The following OR2B11 variants were observed in gnomAD, a reference collection of about 807,000 sequenced individuals.
The protein encoded by OR2B11 is olfactory receptor 2B11.
For missense variants in OR2B11, 422 were observed against 400.0 expected (o/e 1.05, Z -0.47); for synonymous variants, 198 against 174.5 (o/e 1.13, Z -1.06).
rs1360576595 is a variant in OR2B11 at position 247,452,029 on chromosome 1, G to A, written c.-47C>T. 3 of 1,139,638 alleles carry A rather than the reference G, an allele frequency of 2.6e-6. No homozygotes were observed. The highest frequency in any genetic ancestry group is 1.7e-5 in the Admixed American group (1 of 57,340). The allele number at this position is 1,139,638 out of a possible 1,614,324, so 70.6% of individuals were successfully genotyped here. A position where few individuals can be genotyped will look rare whatever the true frequency, so the allele number is the denominator to read the frequency against. On this transcript the variant is annotated 5_prime_UTR_variant, in exon 2 of 2. Transcript: ENST00000641149. ...TGTGGCAAATTGAGAAAATTGGAAT[G>A]AATAATACCTGAGAAGAGGAATTGA...
chr1:247,455,582 C>G (rs1035650433), intron 1 of OR2B11, among the ~76,000 whole-genome samples: 1 of 152,160 alleles, frequency 6.6e-6, no homozygotes, highest in African/African-American at 2.4e-5. Flanking sequence ...TCTTAGGAGT[C>G]TAACAAGTAC....
At chr1:247,455,318 C>T (rs982367298) in intron 1 of OR2B11, among the ~76,000 whole-genome samples, 7 of 152,180 alleles carry the variant, frequency 4.6e-5, no homozygotes, top group African/African-American at 1.7e-4. Context: ...TCTCTTTCTT[C>T]AGTCTAGAAT....
chr1:247,456,967 T>G (rs1315927574), intron 1 of OR2B11, among the ~76,000 whole-genome samples: 1 of 152,214 alleles, frequency 6.6e-6, no homozygotes, highest in Non-Finnish European at 1.5e-5. Flanking sequence ...CTTCTTATTC[T>G]GGAGGTAGGT....
intron 1 of OR2B11, 132 bp from the exon 2 acceptor site, chr1:247,455,196 A>T (rs1664943410): frequency 6.6e-6 from 1 of 152,212 alleles, no homozygotes; most frequent in South Asian, 2.1e-4. Context: ...ACTCCATCAC[A>T]CAAGATGGAA....
In OR2B11 at chr1:247,454,579, A is replaced by C. The variant is rs1444122739; in HGVS notation, c.-2597T>G. Reference sequence around the variant, plus strand: ...CCCCCAGACTCAAACCATCTCCTTCATCTTAATTCTGGCTGAGTTCCCTTC... The same window carrying C: ...CCCCCAGACTCAAACCATCTCCTTCCTCTTAATTCTGGCTGAGTTCCCTTC... On this transcript the variant is annotated 5_prime_UTR_variant, in exon 2 of 2. The change abolishes an upstream ATG in the 5' untranslated region. Transcript: ENST00000641149. The C allele has an allele frequency of 1.3e-5, 2 of 152,278 alleles. No homozygotes were observed. Among genetic ancestry groups the C allele is most frequent in the African/African-American group, 4.8e-5 (2 of 41,410 alleles). 9.4% of individuals were successfully genotyped at this position (152,278 alleles called of 1,614,324 possible). A position where few individuals can be genotyped will look rare whatever the true frequency, so the allele number is the denominator to read the frequency against.
In OR2B11 at chr1:247,450,902, G is replaced by T; in HGVS notation, c.*127C>A. The T allele has an allele frequency of 2.0e-6, 1 of 511,470 alleles. No individual in the cohort carries two copies. Among genetic ancestry groups the T allele is most frequent in the Non-Finnish European group, 3.4e-6 (1 of 294,286 alleles). The allele number at this position is 511,470 out of a possible 1,614,324, so 31.7% of individuals were successfully genotyped here. The stretch of plus-strand genomic sequence containing the variant: ...GATTTGGGGCATTATAACAGGAAGT[G>T]AGATGTTTGAAGACAGGGTTTTTGA... On this transcript the variant is annotated 3_prime_UTR_variant, in exon 2 of 2. Transcript: ENST00000641149.
chr1:247,451,603 T>G lies in OR2B11; in HGVS notation c.380A>C (p.Tyr127Ser). The G allele has an allele frequency of 6.2e-7, 1 of 1,613,834 alleles. No individual in the cohort carries two copies. The highest frequency in any genetic ancestry group is 8.5e-7 in the Non-Finnish European group (1 of 1,179,852). ...GTGCAGGGGCTTGCAGATGGCCACG[T>G]AGCGGTCCAGGGCCATGGCGGCCAG... The part of the protein sequence containing the change: ...IVLAAMALDR[Y>S]VAICKPLHYA... Residue 127 changes from tyrosine (Y) to serine (S), a missense_variant, in exon 2 of 2, where the codon TAC (tyrosine) becomes TCC (serine). Coordinates refer to ENST00000641149, the MANE Select transcript of OR2B11 (RefSeq NM_001004492.2).
At position 247,454,857 on chromosome 1, in the gene OR2B11, C is replaced by T. The variant is rs1462778190; in HGVS notation, c.-2875G>A. 1 of 152,204 alleles carries T rather than the reference C, an allele frequency of 6.6e-6. No individual in the cohort carries two copies. The highest frequency in any genetic ancestry group is 1.5e-5 in the Non-Finnish European group (1 of 68,046). 9.4% of individuals were successfully genotyped at this position (152,204 alleles called of 1,614,324 possible). ...AGTTTCAACCCCTCACTCACCCTCACACGAAGTCATCTTTCTGAGACTCAG... is the reference window on the plus strand; with the variant it reads ...AGTTTCAACCCCTCACTCACCCTCATACGAAGTCATCTTTCTGAGACTCAG... On this transcript the variant is annotated 5_prime_UTR_variant, in exon 2 of 2. In the 5' UTR this introduces an upstream ATG that the reference lacks. Coordinates refer to ENST00000641149, the MANE Select transcript of OR2B11 (RefSeq NM_001004492.2).
At chr1:247,456,770 C>T (rs1006356663) in intron 1 of OR2B11, among the ~76,000 whole-genome samples, 1 of 152,118 alleles carries the variant, frequency 6.6e-6, no homozygotes, top group African/African-American at 2.4e-5. Context: ...AGCCCCCACT[C>T]CCTGATGGGC....
At position 247,454,527 on chromosome 1, in the gene OR2B11, C is replaced by T. The variant is rs66711223; in HGVS notation, c.-2545G>A. 0.079 allele frequency: 11,987 copies of T among 152,436 alleles called. 578 individuals are homozygous for T. Among genetic ancestry groups the T allele is most frequent in the Middle Eastern group, 0.14 (41 of 296 alleles). 9.4% of individuals were successfully genotyped at this position (152,436 alleles called of 1,614,324 possible). On this transcript the variant is annotated 5_prime_UTR_variant, in exon 2 of 2. It removes an upstream start codon present in the reference 5' UTR. Transcript: ENST00000641149. ...CCCTTTTTGACATTGTGAACTGAGG[C>T]ATCCCAAATTTCACCTGGCAGCCAT...
At position 247,457,738 on chromosome 1, in the gene OR2B11, C is replaced by T. The variant is rs1387370096; in HGVS notation, c.-3182G>A. 1 of 152,172 alleles carries T rather than the reference C, an allele frequency of 6.6e-6. No individual in the cohort carries two copies. The highest frequency in any genetic ancestry group is 1.5e-5 in the Non-Finnish European group (1 of 68,038). The allele number at this position is 152,172 out of a possible 1,614,324, so 9.4% of individuals were successfully genotyped here. ...TCGCGGAGGGACATTTAAGGATGGA[C>T]TTACTAGAAATGCTCTTCATATTCC... On this transcript the variant is annotated 5_prime_UTR_variant, in exon 1 of 2. Transcript: ENST00000641149.
rs1344817683 is a variant in OR2B11 at position 247,453,019 on chromosome 1, G to A, written c.-1037C>T. 2 of 152,162 alleles carry A rather than the reference G, an allele frequency of 1.3e-5. No individual in the cohort carries two copies. Among genetic ancestry groups the A allele is most frequent in the Non-Finnish European group, 2.9e-5 (2 of 68,032 alleles). The allele number at this position is 152,162 out of a possible 1,614,324, so 9.4% of individuals were successfully genotyped here. On this transcript the variant is annotated 5_prime_UTR_variant, in exon 2 of 2. Coordinates refer to ENST00000641149, the MANE Select transcript of OR2B11 (RefSeq NM_001004492.2). Reference sequence around the variant, plus strand: ...CGTGGGTCCTTTCGACTGCACCATTGGCTTCTCACCTCCTACAATCGCTCA... The same window carrying A: ...CGTGGGTCCTTTCGACTGCACCATTAGCTTCTCACCTCCTACAATCGCTCA...
At chr1:247,455,242 A>G (rs557011005) in intron 1 of OR2B11, among the ~76,000 whole-genome samples, 178 bp from the exon 2 acceptor site, 1 of 152,304 alleles carries the variant, frequency 6.6e-6, no homozygotes, top group East Asian at 1.9e-4. Flanking sequence ...ATTCCTAGAA[A>G]GTAGCTTATG....
At position 247,450,586 on chromosome 1, in the gene OR2B11, C is replaced by T. The variant is rs10733112; in HGVS notation, c.*443G>A. 0.5 allele frequency: 75,995 copies of T among 152,672 alleles called. 19,614 individuals are homozygous for T. The highest frequency in any genetic ancestry group is 0.61 in the African/African-American group (25,143 of 41,494). 9.5% of individuals were successfully genotyped at this position (152,672 alleles called of 1,614,324 possible). A position where few individuals can be genotyped will look rare whatever the true frequency, so the allele number is the denominator to read the frequency against. ...CAATCTACTTCATTCCTGGAATTGT[C>T]TGAAAAAGTCGTGTAAAATTTGTGG... On this transcript the variant is annotated 3_prime_UTR_variant, in exon 2 of 2. Coordinates refer to ENST00000641149, the MANE Select transcript of OR2B11 (RefSeq NM_001004492.2).
chr1:247,456,293 C>A (rs1664963862), intron 1 of OR2B11, among the ~76,000 whole-genome samples: 1 of 152,136 alleles, frequency 6.6e-6, no homozygotes, highest in Non-Finnish European at 1.5e-5. Context: ...AAACAGTTCC[C>A]CTTTAAAAAA....
rs764619184 is a variant in OR2B11 at position 247,451,286 on chromosome 1, G to A, written c.697C>T (p.Gln233Ter). Residue 233 changes from glutamine (Q) to a stop codon, truncating the protein, a stop_gained, in exon 2 of 2, where the codon CAG becomes TAG. Transcript: ENST00000641149. LOFTEE classifies it low-confidence loss of function (END_TRUNC). ...GCCTTGTGTCGTCCCTTGGAGGACT[G>A]GATCCTGAGCACTGCCCGGGCAATA... Reference protein sequence around the residue: ...GFIARAVLRIQSSKGRHKAFG... With the variant: ...GFIARAVLRI 4 of 1,614,016 alleles carry A rather than the reference G, an allele frequency of 2.5e-6. No individual in the cohort carries two copies. The Admixed American group carries it at 6.7e-5, about 27-fold the overall frequency.
chr1:247,457,483 G>A (rs1349540347), intron 1 of OR2B11, among the ~76,000 whole-genome samples, 156 bp downstream of exon 1: 1 of 152,074 alleles, frequency 6.6e-6, no homozygotes, highest in East Asian at 1.9e-4. Flanking sequence ...TTTTACACTT[G>A]CTGCTTAATA....
Position 247,452,385 on chromosome 1 carries a change from A to G in OR2B11, c.-403T>C, listed in dbSNP as rs750121128. 1.7e-5 allele frequency: 3 copies of G among 181,632 alleles called. No homozygotes were observed. The highest frequency in any genetic ancestry group is 5.4e-5 in the Admixed American group (1 of 18,654). The allele number at this position is 181,632 out of a possible 1,614,324, so 11.3% of individuals were successfully genotyped here. A position where few individuals can be genotyped will look rare whatever the true frequency, so the allele number is the denominator to read the frequency against. On this transcript the variant is annotated 5_prime_UTR_variant, in exon 2 of 2. Coordinates refer to ENST00000641149, the MANE Select transcript of OR2B11 (RefSeq NM_001004492.2). ...GCGTGCTGCAGCTCCCATCACCGTC[A>G]GAGTGTTTGATTTCTCTCTACATCC...
Position 247,451,790 on chromosome 1 carries a change from T to G in OR2B11, c.193A>C (p.Ile65Leu). The G allele has an allele frequency of 6.2e-7, 1 of 1,614,138 alleles. No individual in the cohort carries two copies. Among genetic ancestry groups the G allele is most frequent in the Non-Finnish European group, 8.5e-7 (1 of 1,180,028 alleles). ...VDPQLHSPMY[I>L]FLSHLSFLDL... The stretch of plus-strand genomic sequence containing the variant: ...AGGAAGGACAGGTGACTGAGGAAGA[T>G]GTACATGGGGCTGTGGAGTTGAGGA... The change falls in exon 2 of 2, where the codon ATC becomes CTC. Residue 65 changes from isoleucine to leucine, a missense_variant. Coordinates refer to ENST00000641149, the MANE Select transcript of OR2B11 (RefSeq NM_001004492.2).
Sources: allele counts gnomAD v4.1 joint callset (sites outside exome capture counted in the v4.1 genomes callset), GRCh38; gene constraint gnomAD v4.1.1; transcripts MANE v1.5; gene names NCBI Gene and HGNC (gene_info 2026-07-23, HGNC 2026-07-21).